Variants in TPTE observed in about 807,000 individuals in gnomAD.
TPTE encodes the protein transmembrane phosphatase with tensin homology, also known as putative tyrosine-protein phosphatase TPTE.
Under a neutral mutation model 84.1 loss-of-function variants are expected in TPTE, and 59 were observed. The observed-to-expected ratio is 0.70, with a 90% CI of 0.57 to 0.87. The LOEUF (loss-of-function observed/expected upper bound fraction) is 0.87. TPTE is among the 40% of genes least tolerant of loss of function. The pLI is 0.00. For synonymous variants in TPTE, 130 were observed against 223.5 expected (o/e 0.58, Z 3.73); for missense variants, 382 against 659.6 (o/e 0.58, Z 4.61).
intron 17 of TPTE, among the ~76,000 whole-genome samples, chr21:10,579,166 A>G (rs1469440008): frequency 6.6e-6 from 1 of 152,308 alleles, no homozygotes; most frequent in Non-Finnish European, 1.5e-5. Context: ...TGTGGTCACT[A>G]TGTTGTACAA....
At chr21:10,529,982 C>T (rs1159192233) in intron 3 of TPTE, among the ~76,000 whole-genome samples, 3 of 152,302 alleles carry the variant, frequency 2.0e-5, no homozygotes, top group Non-Finnish European at 4.4e-5. Context: ...GAGAGCTATT[C>T]CTACCCCTAT....
At chr21:10,586,786 T>A (rs1482728610) in intron 17 of TPTE, among the ~76,000 whole-genome samples, 2 of 152,304 alleles carry the variant, frequency 1.3e-5, no homozygotes, top group Non-Finnish European at 2.9e-5. Context: ...CTTCCTAAAA[T>A]CTCTCATTAG....
rs1377620245 is a variant in TPTE, at chr21:10,538,720, A to T, written c.-4A>T. 5.6e-6 allele frequency: 9 copies of T among 1,613,962 alleles called. No individual in the cohort carries two copies. Among genetic ancestry groups the T allele is most frequent in the Non-Finnish European group, 6.8e-6 (8 of 1,179,888 alleles). ...AATTATCAGGAGTGAACCCAGAGGC[A>T]CGTATGAATGAAAGGTGAGTTATGC... On this transcript the variant is annotated 5_prime_UTR_variant, in exon 4 of 24. Coordinates refer to ENST00000618007, the MANE Select transcript of TPTE (RefSeq NM_199261.4).
intron 3 of TPTE, among the ~76,000 whole-genome samples, chr21:10,536,391 T>G (rs2074265504): frequency 6.6e-6 from 1 of 152,310 alleles, no homozygotes; most frequent in African/African-American, 2.4e-5. Context: ...AAGTTTAGAA[T>G]TACATGTGTG....
chr21:10,590,592 A>C (rs2145772607), intron 18 of TPTE, 69 bp downstream of exon 18: 1 of 1,606,520 alleles, frequency 6.2e-7, no homozygotes, highest in South Asian at 1.1e-5. Context: ...CATCACTGGC[A>C]GGACATTAAG....
intron 1 of TPTE, among the ~76,000 whole-genome samples, chr21:10,522,273 C>T (rs2073994495): frequency 1.3e-5 from 2 of 152,318 alleles, no homozygotes; most frequent in African/African-American, 4.8e-5. Context: ...TGCATCCGCT[C>T]TTGGCCGTCA....
chr21:10,559,265 G>T (rs1328867120), intron 8 of TPTE, among the ~76,000 whole-genome samples: 1 of 152,308 alleles, frequency 6.6e-6, no homozygotes, highest in Non-Finnish European at 1.5e-5. Context: ...CAATGGAAAT[G>T]TTACTAAACA....
intron 4 of TPTE, among the ~76,000 whole-genome samples, chr21:10,539,933 C>T (rs1420024687): frequency 4.6e-5 from 7 of 152,412 alleles, no homozygotes; most frequent in East Asian, 1.9e-4. Flanking sequence ...TGCTTGAACC[C>T]GGGAGGCAGA....
intron 4 of TPTE, among the ~76,000 whole-genome samples, chr21:10,540,418 CATAGAG>C (rs1391079180): frequency 1.3e-5 from 2 of 152,308 alleles, no homozygotes; most frequent in Non-Finnish European, 2.9e-5. Flanking sequence ...GGGAGGAACT[CATAGAG>C]GGAGGCTTTT....
chr21:10,582,994 A>T (rs1263208309), intron 17 of TPTE, among the ~76,000 whole-genome samples: 1 of 152,308 alleles, frequency 6.6e-6, no homozygotes, highest in Non-Finnish European at 1.5e-5. Flanking sequence ...CTGCCTCCCA[A>T]ATTGCTGGGA....
At chr21:10,594,269 C>A (rs1173418826) in intron 19 of TPTE, among the ~76,000 whole-genome samples, 1 of 152,310 alleles carries the variant, frequency 6.6e-6, no homozygotes. Context: ...CCTAGAGTCC[C>A]TTTCCCTTCT....
At chr21:10,600,980 C>T (rs1483510932) in intron 21 of TPTE, among the ~76,000 whole-genome samples, 2 of 152,310 alleles carry the variant, frequency 1.3e-5, no homozygotes, top group Non-Finnish European at 2.9e-5. Context: ...GCCCAACCCC[C>T]AAGTGTTACA....
intron 1 of TPTE, among the ~76,000 whole-genome samples, chr21:10,523,187 G>T (rs2074014715): frequency 6.6e-6 from 1 of 152,260 alleles, no homozygotes; most frequent in Non-Finnish European, 1.5e-5. Flanking sequence ...AATAACTAGA[G>T]AGATAGTCTC....
intron 3 of TPTE, among the ~76,000 whole-genome samples, chr21:10,529,503 AT>A (rs2074139735): frequency 6.6e-6 from 1 of 152,310 alleles, no homozygotes; most frequent in Admixed American, 6.5e-5. Flanking sequence ...TCACTTTCTT[AT>A]TGTTAAGTTA....
chr21:10,569,992 A>G (rs552931000), intron 13 of TPTE, among the ~76,000 whole-genome samples: 74 of 152,322 alleles, frequency 4.9e-4, no homozygotes, highest in African/African-American at 1.7e-3. Flanking sequence ...ACTCCATTTG[A>G]GTTTCAATTT....
chr21:10,601,013 A>G (rs1214506877), intron 21 of TPTE, among the ~76,000 whole-genome samples: 1 of 152,312 alleles, frequency 6.6e-6, no homozygotes, highest in East Asian at 1.9e-4. Flanking sequence ...TATTTTTTAA[A>G]TTCAGAAAAT....
At chr21:10,576,842 T>TATAC (rs2075163270) in intron 14 of TPTE, among the ~76,000 whole-genome samples, 1 of 1,410 alleles carries the variant, frequency 7.1e-4, no homozygotes, top group Non-Finnish European at 1.2e-3. Context: ...TATATACATA[T>TATAC]ATATATATAT....
At chr21:10,592,601 A>G (rs1222893476) in intron 19 of TPTE, among the ~76,000 whole-genome samples, 1 of 152,312 alleles carries the variant, frequency 6.6e-6, no homozygotes, top group Non-Finnish European at 1.5e-5. Context: ...TCTATTCTAT[A>G]CTGGTTATTG....
At chr21:10,540,353 A>G (rs1194927381) in intron 4 of TPTE, among the ~76,000 whole-genome samples, 1 of 152,312 alleles carries the variant, frequency 6.6e-6, no homozygotes, top group East Asian at 1.9e-4. Context: ...GAGTCCTCTC[A>G]GAATGAGCTT....
Sources: allele counts gnomAD v4.1 joint callset (sites outside exome capture counted in the v4.1 genomes callset), GRCh38; gene constraint gnomAD v4.1.1; transcripts MANE v1.5; gene names NCBI Gene and HGNC (gene_info 2026-07-23, HGNC 2026-07-21).